Variants in SRGAP1 observed in about 807,000 individuals in gnomAD.
SRGAP1 encodes the protein SLIT-ROBO Rho GTPase-activating protein 1.
Under a neutral mutation model 121.9 loss-of-function variants are expected in SRGAP1, and 43 were observed. The ratio of observed to expected loss-of-function variants is 0.35; its 90% CI spans 0.28 to 0.46. SRGAP1 has a LOEUF of 0.46. Ranked by LOEUF, SRGAP1 falls within the 20% of genes least tolerant of loss-of-function variation. SRGAP1 has a pLI of 1.00. For missense variants in SRGAP1, 1,102 were observed against 1,350.9 expected (o/e 0.82, Z 2.89); for synonymous variants, 447 against 485.4 (o/e 0.92, Z 1.04).
chr12:64,013,847 T>C (rs899244024), intron 3 of SRGAP1, among the ~76,000 whole-genome samples: 1 of 152,114 alleles, frequency 6.6e-6, no homozygotes, highest in Admixed American at 6.6e-5. Context: ...AAGGGCCCTT[T>C]GGAATCCAGG....
At chr12:63,913,480 T>TATATATATATATATAG (rs1439123798) in intron 1 of SRGAP1, among the ~76,000 whole-genome samples, 1 of 108,626 alleles carries the variant, frequency 9.2e-6, no homozygotes, top group African/African-American at 3.7e-5. Context: ...TATATATGGA[T>TATATATATATATATAG]ATATATATAT....
At chr12:64,075,577 A>G (rs530843129) in intron 8 of SRGAP1, among the ~76,000 whole-genome samples, 2 of 152,334 alleles carry the variant, frequency 1.3e-5, no homozygotes, top group East Asian at 3.9e-4. Context: ...GTTTGTTTGA[A>G]ATACAGTGCT....
At chr12:63,872,012 C>G in intron 1 of SRGAP1, 1 of 878,126 alleles carries the variant, frequency 1.1e-6, no homozygotes, top group Non-Finnish European at 1.9e-6. Context: ...GTGATGCTTA[C>G]AAAGGTTCTT....
At position 64,142,813 on chromosome 12, in the gene SRGAP1, T is replaced by C; in HGVS notation, c.*141T>C. 1 of 1,122,986 alleles carries C rather than the reference T, an allele frequency of 8.9e-7. No homozygotes were observed. Among genetic ancestry groups the C allele is most frequent in the Non-Finnish European group, 1.3e-6 (1 of 799,302 alleles). The allele number at this position is 1,122,986 out of a possible 1,614,324, so 69.6% of individuals were successfully genotyped here. A position where few individuals can be genotyped will look rare whatever the true frequency, so the allele number is the denominator to read the frequency against. On this transcript the variant is annotated 3_prime_UTR_variant, in exon 22 of 22. Coordinates refer to ENST00000355086, the MANE Select transcript of SRGAP1 (RefSeq NM_020762.4). Reference sequence around the variant, plus strand: ...GGCTTTTCTATGTTGTCGAATGTAATGTCTGAGACTAGCTAAATTAACACG... The same window carrying C: ...GGCTTTTCTATGTTGTCGAATGTAACGTCTGAGACTAGCTAAATTAACACG...
intron 18 of SRGAP1, among the ~76,000 whole-genome samples, chr12:64,117,785 A>G (rs763300914): frequency 1.3e-5 from 2 of 152,084 alleles, no homozygotes; most frequent in African/African-American, 2.4e-5. Context: ...TCTGGCAACT[A>G]CCGTTCCACC....
At chr12:63,949,146 CAT>C (rs2032184644) in intron 1 of SRGAP1, among the ~76,000 whole-genome samples, 1 of 141,872 alleles carries the variant, frequency 7.0e-6, no homozygotes, top group Non-Finnish European at 1.5e-5. Flanking sequence ...TATATACATT[CAT>C]ATATGTATTT....
At chr12:63,845,879 C>G (rs929936955) in intron 1 of SRGAP1, among the ~76,000 whole-genome samples, 1 of 152,136 alleles carries the variant, frequency 6.6e-6, no homozygotes, top group Non-Finnish European at 1.5e-5. Context: ...CTGTGTTTAT[C>G]TATGCACAGT....
At chr12:63,968,082 T>C (rs543727173) in intron 1 of SRGAP1, among the ~76,000 whole-genome samples, 1 of 152,368 alleles carries the variant, frequency 6.6e-6, no homozygotes, top group South Asian at 2.1e-4. Context: ...ACTCACTAAA[T>C]ATGTTACCTT....
At chr12:64,090,463 T>C (rs932703591) in intron 11 of SRGAP1, among the ~76,000 whole-genome samples, 2 of 152,244 alleles carry the variant, frequency 1.3e-5, no homozygotes, top group African/African-American at 4.8e-5. Flanking sequence ...TTTTCTCACT[T>C]GTGACCTATT....
intron 1 of SRGAP1, among the ~76,000 whole-genome samples, chr12:63,931,956 G>A (rs1458898941): frequency 3.3e-5 from 5 of 152,120 alleles, no homozygotes; most frequent in Non-Finnish European, 1.5e-5. Context: ...AATAAGAGAA[G>A]GACAGATTGT....
In SRGAP1 at chr12:63,916,776, G is replaced by A. The variant is rs147514549; in HGVS notation, c.68-67171G>A. On this transcript the variant is annotated intron_variant, in intron 1 of 21. Coordinates refer to ENST00000355086, the MANE Select transcript of SRGAP1 (RefSeq NM_020762.4). ...GAGATTTAAGAAAGGTCTGGGAATC[G>A]CATGCAGGCCAGTAGACTTAATGAG... Among the ~76,000 whole-genome samples the A allele has an allele frequency of 5.3e-4, 81 of 152,270 alleles. 1 individual carries two copies. The East Asian group carries it at 0.012, about 22-fold the overall frequency.
intron 21 of SRGAP1, among the ~76,000 whole-genome samples, chr12:64,137,581 A>G (rs2036875690): frequency 6.6e-6 from 1 of 152,196 alleles, no homozygotes; most frequent in African/African-American, 2.4e-5. Context: ...GAGATTTTTC[A>G]AAAGACTACC....
At chr12:64,010,278 G>C (rs2034213163) in intron 3 of SRGAP1, among the ~76,000 whole-genome samples, 1 of 152,144 alleles carries the variant, frequency 6.6e-6, no homozygotes, top group Non-Finnish European at 1.5e-5. Flanking sequence ...AAAGGCCATA[G>C]GCCTTCTGAA....
chr12:64,127,097 C>T (rs142714585), intron 19 of SRGAP1, among the ~76,000 whole-genome samples: 1 of 152,310 alleles, frequency 6.6e-6, no homozygotes, highest in African/African-American at 2.4e-5. Flanking sequence ...TAGGCTCCAC[C>T]ATGTAGCCTA....
In SRGAP1 at chr12:64,153,628, C is replaced by T. The variant is rs1313160400; in HGVS notation, c.*10956C>T. On this transcript the variant is annotated 3_prime_UTR_variant, in exon 22 of 22. Transcript: ENST00000355086. ...CACCTCATACCCATTAGGATGGCCA[C>T]TCTCAAATGATCAAACTCCAGAAAA... is the stretch of plus-strand genomic sequence containing the variant. 6.6e-6 allele frequency: 1 copy of T among 152,110 alleles called. No homozygotes were observed. The highest frequency in any genetic ancestry group is 1.5e-5 in the Non-Finnish European group (1 of 68,028). The allele number at this position is 152,110 out of a possible 1,614,324, so 9.4% of individuals were successfully genotyped here.
intron 1 of SRGAP1, among the ~76,000 whole-genome samples, chr12:63,955,077 GGAGCCC>G (rs1378250142): frequency 6.6e-6 from 1 of 152,136 alleles, no homozygotes; most frequent in Non-Finnish European, 1.5e-5. Context: ...CAGCACTTTG[GGAGCCC>G]GAGGTGGGCG....
At chr12:63,981,385 C>A (rs112023955) in intron 1 of SRGAP1, among the ~76,000 whole-genome samples, 2,748 of 152,070 alleles carry the variant, frequency 0.018, 99 homozygotes, top group African/African-American at 0.058. Context: ...ACAAAAAAAA[C>A]CCCAGAAAAC....
At chr12:63,998,595 ACT>A (rs2136430927) in intron 3 of SRGAP1, among the ~76,000 whole-genome samples, 1 of 151,830 alleles carries the variant, frequency 6.6e-6, no homozygotes, top group African/African-American at 2.4e-5. Flanking sequence ...TTCCCACCTA[ACT>A]CTCCCAACTG....
At chr12:64,065,758 CT>C (rs1381385141) in intron 8 of SRGAP1, among the ~76,000 whole-genome samples, 2 of 152,082 alleles carry the variant, frequency 1.3e-5, no homozygotes, top group East Asian at 3.9e-4. Context: ...AAATTCACTT[CT>C]TTTTTTCCTT....
Sources: allele counts gnomAD v4.1 joint callset (sites outside exome capture counted in the v4.1 genomes callset), GRCh38; gene constraint gnomAD v4.1.1; transcripts MANE v1.5; gene names NCBI Gene and HGNC (gene_info 2026-07-23, HGNC 2026-07-21).